JPH2: variants seen among roughly 807,000 people sequenced by gnomAD.
The protein encoded by JPH2 is junctophilin-2.
JPH2 carries 38 observed loss-of-function variants against 55.9 expected under a neutral mutation model. The observed-to-expected ratio is 0.68, with a 90% CI of 0.52 to 0.89. The LOEUF (loss-of-function observed/expected upper bound fraction) is 0.89, where lower values mean the gene tolerates loss of function less well. Ranked by LOEUF, JPH2 falls within the 40% of genes least tolerant of loss-of-function variation. The probability of loss-of-function intolerance (pLI) is 0.00; values close to 1 mark genes in which losing one functional copy is unlikely to be tolerated. For synonymous variants in JPH2, 480 were observed against 472.4 expected (o/e 1.02, Z -0.21); for missense variants, 964 against 1,037.6 (o/e 0.93, Z 0.97).
chr20:44,148,051 G>A (rs1006085438), intron 2 of JPH2, among the ~76,000 whole-genome samples: 1 of 152,004 alleles, frequency 6.6e-6, no homozygotes, highest in Non-Finnish European at 1.5e-5. Flanking sequence ...TAATCCCAGC[G>A]ACTCGGGAGG....
intron 1 of JPH2, among the ~76,000 whole-genome samples, chr20:44,173,919 A>G (rs2072715946): frequency 6.6e-6 from 1 of 152,202 alleles, no homozygotes; most frequent in Admixed American, 6.5e-5. Flanking sequence ...ACTCAAAACA[A>G]ACAAACAAAC....
chr20:44,122,461 A>T (rs2072244180), intron 2 of JPH2, among the ~76,000 whole-genome samples: 1 of 152,244 alleles, frequency 6.6e-6, no homozygotes, highest in Non-Finnish European at 1.5e-5. Context: ...AAAAGTCTAA[A>T]TTAATGCAAA....
intron 2 of JPH2, among the ~76,000 whole-genome samples, chr20:44,158,750 G>A (rs763720479): frequency 2.0e-5 from 3 of 152,186 alleles, no homozygotes; most frequent in Non-Finnish European, 2.9e-5. Context: ...GAGTGATAGA[G>A]GTGGCTGGCT....
intron 2 of JPH2, among the ~76,000 whole-genome samples, chr20:44,140,302 A>AG (rs1209697162): frequency 1.3e-5 from 2 of 152,174 alleles, no homozygotes; most frequent in Admixed American, 6.5e-5. Flanking sequence ...GCCTGAGCCC[A>AG]GGGGGCACCC....
intron 1 of JPH2, among the ~76,000 whole-genome samples, chr20:44,172,035 T>G (rs982751069): frequency 2.6e-5 from 4 of 152,178 alleles, no homozygotes; most frequent in African/African-American, 9.7e-5. Flanking sequence ...CTCCTCTCAG[T>G]AAAGTGAGCA....
At chr20:44,123,452 C>T (rs1173698355) in intron 2 of JPH2, among the ~76,000 whole-genome samples, 2 of 152,246 alleles carry the variant, frequency 1.3e-5, no homozygotes, top group Admixed American at 6.5e-5. Context: ...CTTAACCACA[C>T]ACCCGTGGCC....
In JPH2 at chr20:44,160,520, G is replaced by A; in HGVS notation, c.380-113C>T. On this transcript the variant is annotated intron_variant, in intron 1 of 5. Transcript: ENST00000372980. This position sits in a 1 kb window ranked among gnomAD's most constrained non-coding sequence, Gnocchi z 4.9. ...GCAAGGCGGGGTGGGACCGAGAGGC[G>A]CAAGGCCGTCTGAGGGTCAGGGTGC... 3.7e-6 allele frequency: 4 copies of A among 1,094,920 alleles called. No individual in the cohort carries two copies. The highest frequency in any genetic ancestry group is 3.9e-5 in the Admixed American group (2 of 50,742). The allele number at this position is 1,094,920 out of a possible 1,614,324, so 67.8% of individuals were successfully genotyped here. A position where few individuals can be genotyped will look rare whatever the true frequency, so the allele number is the denominator to read the frequency against.
intron 2 of JPH2, among the ~76,000 whole-genome samples, chr20:44,145,380 G>A (rs956857907): frequency 7.9e-5 from 12 of 152,076 alleles, no homozygotes; most frequent in South Asian, 4.1e-4. Context: ...CGAGGTGGGC[G>A]GATCACCTGA....
At chr20:44,177,817 G>T (rs1334334591) in intron 1 of JPH2, 4 of 1,580,712 alleles carry the variant, frequency 2.5e-6, no homozygotes, top group African/African-American at 1.3e-5. Flanking sequence ...TGACAGCTAT[G>T]GTTCAGGCCA....
At chr20:44,134,151 T>C (rs1469632990) in intron 2 of JPH2, among the ~76,000 whole-genome samples, 1 of 31,752 alleles carries the variant, frequency 3.1e-5, no homozygotes, top group East Asian at 6.7e-4. Context: ...TAAATATTTA[T>C]TATAAATATA....
chr20:44,135,009 C>T (rs2072399357), intron 2 of JPH2, among the ~76,000 whole-genome samples: 1 of 142,238 alleles, frequency 7.0e-6, no homozygotes, highest in Non-Finnish European at 1.5e-5. Context: ...GACAGAATAC[C>T]AAGAGGGGTA....
chr20:44,110,754 A>G lies in JPH2; in HGVS notation c.*2764T>C, dbSNP rs1387973734. Among the ~76,000 whole-genome samples, 3 of 152,126 alleles carry G rather than the reference A, an allele frequency of 2.0e-5. No homozygotes were observed. Among genetic ancestry groups the G allele is most frequent in the Non-Finnish European group, 4.4e-5 (3 of 68,024 alleles). On this transcript the variant is annotated 3_prime_UTR_variant, in exon 6 of 6. Transcript: ENST00000372980. ...AGCTTAAAACCTCTTTATCACCATA[A>G]TCTATCTCATTTGAGCCTCACAACT...
chr20:44,160,592 G>C lies in JPH2; in HGVS notation c.380-185C>G, dbSNP rs1322710099. ...TCTACTCGAGTGTGCAATAACACGAGTGGGTGAGCCAGGAGGAGCTTGCAC... is the reference window on the plus strand; with the variant it reads ...TCTACTCGAGTGTGCAATAACACGACTGGGTGAGCCAGGAGGAGCTTGCAC... On this transcript the variant is annotated intron_variant, in intron 1 of 5. Transcript: ENST00000372980. The surrounding 1 kb of genome is among the most constrained non-coding windows in gnomAD (Gnocchi z 4.9). 2.6e-5 allele frequency among the ~76,000 whole-genome samples: 4 copies of C among 152,236 alleles called. No individual in the cohort carries two copies. Among genetic ancestry groups the C allele is most frequent in the Non-Finnish European group, 4.4e-5 (3 of 68,042 alleles).
At chr20:44,142,428 C>T (rs936492516) in intron 2 of JPH2, among the ~76,000 whole-genome samples, 2 of 152,164 alleles carry the variant, frequency 1.3e-5, no homozygotes, top group Non-Finnish European at 2.9e-5. Context: ...CACTGCTGTC[C>T]TCCCCCTCAC....
rs983963093 is a variant in JPH2 at position 44,159,911 on chromosome 20, C to T, written c.876G>A (p.Met292Ile). 2 of 1,612,690 alleles carry T rather than the reference C, an allele frequency of 1.2e-6. No individual in the cohort carries two copies. Among genetic ancestry groups the T allele is most frequent in the African/African-American group, 1.3e-5 (1 of 74,880 alleles). ...DIDATTTETY[M>I]GEWKNDKRSG... ...AGCGTTTGTCGTTCTTCCACTCGCC[C>T]ATGTAGGTCTCGGTGGTGGTGGCGT... The change falls in exon 2 of 6, where the codon ATG (methionine) becomes ATA (isoleucine). Residue 292 changes from methionine (M) to isoleucine (I), a missense_variant. Coordinates refer to ENST00000372980, the MANE Select transcript of JPH2 (RefSeq NM_020433.5). The surrounding 1 kb of genome is among the most constrained non-coding windows in gnomAD (Gnocchi z 5.7).
chr20:44,183,723 A>G (rs1413431615), intron 1 of JPH2, among the ~76,000 whole-genome samples: 1 of 152,248 alleles, frequency 6.6e-6, no homozygotes, highest in East Asian at 1.9e-4. Context: ...ATTTGTAAAA[A>G]TTAGCCAGTT....
rs750791531 is a variant in JPH2, at chr20:44,159,790, C to T, written c.997G>A (p.Asp333Asn). The change falls in exon 2 of 6, where the codon GAC becomes AAC. Residue 333 changes from aspartate (D) to asparagine (N), a missense_variant. Physicochemically the swap from Asp to Asn is conservative, Grantham distance 23. Coordinates refer to ENST00000372980, the MANE Select transcript of JPH2 (RefSeq NM_020433.5). This position sits in a 1 kb window ranked among gnomAD's most constrained non-coding sequence, Gnocchi z 5.7. ...RHGYGCTTLP[D>N]GHREEGKYRH... The stretch of plus-strand genomic sequence containing the variant: ...TACTTGCCCTCCTCGCGGTGGCCGT[C>T]GGGCAGCGTGGTGCAGCCATAGCCG... 12 of 1,612,954 alleles carry T rather than the reference C, an allele frequency of 7.4e-6. No homozygotes were observed. Among genetic ancestry groups the T allele is most frequent in the South Asian group, 1.1e-5 (1 of 91,080 alleles).
At chr20:44,177,139 G>A (rs1164395066) in intron 1 of JPH2, 103 of 985,466 alleles carry the variant, frequency 1.0e-4, no homozygotes, top group Non-Finnish European at 1.2e-4. Context: ...CGGGAGGGAG[G>A]TGTGCCAGCC....
rs779740464 is a variant in JPH2 at position 44,159,640 on chromosome 20, T to C, written c.1147A>G (p.Lys383Glu). ...TACCTGGAGGCGGCAATCTCGGCCT[T>C]CTGGCGCGCGATAGCAGCGGCGCGC... The part of the protein sequence containing the change: ...AQRAAAIARQ[K>E]AEIAASRTSH... The change falls in exon 2 of 6, where the codon AAG (lysine) becomes GAG (glutamate). Residue 383 changes from lysine (K) to glutamate (E), a missense_variant. Coordinates refer to ENST00000372980, the MANE Select transcript of JPH2 (RefSeq NM_020433.5). The surrounding 1 kb of genome is among the most constrained non-coding windows in gnomAD (Gnocchi z 5.7). 1 of 1,605,688 alleles carries C rather than the reference T, an allele frequency of 6.2e-7. No individual in the cohort carries two copies. Among genetic ancestry groups the C allele is most frequent in the South Asian group, 1.1e-5 (1 of 90,996 alleles).
Sources: allele counts gnomAD v4.1 joint callset (sites outside exome capture counted in the v4.1 genomes callset), GRCh38; gene constraint gnomAD v4.1.1; non-coding constraint Gnocchi (gnomAD v3.1); transcripts MANE v1.5; gene names NCBI Gene and HGNC (gene_info 2026-07-23, HGNC 2026-07-21).